YAP1: variants seen among roughly 807,000 people sequenced by gnomAD.
The protein encoded by YAP1 is Yes1 associated transcriptional regulator.
In YAP1, 5 loss-of-function variants were observed where a neutral mutation model predicts 56.9. The ratio of observed to expected loss-of-function variants is 0.09; its 90% CI spans 0.05 to 0.18. YAP1 has a LOEUF of 0.18. Among genes scored for constraint, YAP1 ranks in the 10% least tolerant of loss-of-function variants. The probability of loss-of-function intolerance (pLI) is 1.00; values close to 1 mark genes in which losing one functional copy is unlikely to be tolerated. For missense variants in YAP1, 539 were observed against 651.8 expected (o/e 0.83, Z 1.88); for synonymous variants, 265 against 248.1 (o/e 1.07, Z -0.64).
intron 1 of YAP1, chr11:102,112,656 A>G: frequency 3.0e-6 from 3 of 984,992 alleles, no homozygotes; most frequent in Non-Finnish European, 3.6e-6. Context: ...AGAAAAAATC[A>G]CTTAACCTGA....
At chr11:102,224,156 A>T (rs950799206) in intron 7 of YAP1, among the ~76,000 whole-genome samples, 1 of 152,228 alleles carries the variant, frequency 6.6e-6, no homozygotes, top group African/African-American at 2.4e-5. Flanking sequence ...TTCAAGCTAA[A>T]ACGTTTCACC....
At chr11:102,125,003 G>A (rs1487322509) in intron 2 of YAP1, among the ~76,000 whole-genome samples, 1 of 151,796 alleles carries the variant, frequency 6.6e-6, no homozygotes, top group African/African-American at 2.4e-5. Flanking sequence ...CTTCAGAAGT[G>A]CTGGGATTAC....
intron 2 of YAP1, among the ~76,000 whole-genome samples, chr11:102,123,848 C>T (rs1440658761): frequency 5.9e-5 from 9 of 151,902 alleles, no homozygotes; most frequent in East Asian, 3.9e-4. Flanking sequence ...ACCGTGGTCT[C>T]GATCTCCTGA....
intron 2 of YAP1, among the ~76,000 whole-genome samples, chr11:102,134,790 C>T (rs1944576656): frequency 6.6e-6 from 1 of 152,106 alleles, no homozygotes; most frequent in Non-Finnish European, 1.5e-5. Flanking sequence ...CTCACTGCAG[C>T]CTTGACCTCC....
chr11:102,164,719 G>T (rs932191906), intron 3 of YAP1, among the ~76,000 whole-genome samples: 1 of 149,870 alleles, frequency 6.7e-6, no homozygotes, highest in East Asian at 1.9e-4. Context: ...GTTTTAGTGG[G>T]TTTTTTTGTT....
intron 5 of YAP1, among the ~76,000 whole-genome samples, chr11:102,206,553 A>T (rs193041157): frequency 6.6e-6 from 1 of 152,324 alleles, no homozygotes; most frequent in East Asian, 1.9e-4. Context: ...AACAAAATAA[A>T]TGTTACCTTT....
In YAP1 at chr11:102,158,450, A is replaced by G. The variant is rs142893927; in HGVS notation, c.573-4006A>G. 5.9e-3 allele frequency among the ~76,000 whole-genome samples: 892 copies of G among 152,302 alleles called. 8 individuals are homozygous for G. Among genetic ancestry groups the G allele is most frequent in the African/African-American group, 0.02 (831 of 41,552 alleles). On this transcript the variant is annotated intron_variant, in intron 2 of 8. Coordinates refer to ENST00000282441, the MANE Select transcript of YAP1 (RefSeq NM_001130145.3). ...CTAAGGCAGTGCTTCTCAAACTTCA[A>G]CGAACATACAGAGGATCTCATTAAA... is the stretch of plus-strand genomic sequence containing the variant.
chr11:102,122,845 C>T (rs1005895584), intron 2 of YAP1, among the ~76,000 whole-genome samples: 5 of 137,012 alleles, frequency 3.6e-5, no homozygotes, highest in African/African-American at 1.1e-4. Flanking sequence ...AGCAGTGAAT[C>T]GAGATCGAGC....
intron 7 of YAP1, among the ~76,000 whole-genome samples, chr11:102,225,832 G>C (rs946083026): frequency 1.3e-5 from 2 of 152,156 alleles, no homozygotes; most frequent in Admixed American, 1.3e-4. Flanking sequence ...TTGTTTGTAG[G>C]TGGTGGTGAT....
chr11:102,181,440 C>G (rs190519522), intron 3 of YAP1, among the ~76,000 whole-genome samples: 3 of 151,912 alleles, frequency 2.0e-5, no homozygotes, highest in African/African-American at 7.2e-5. Context: ...AGCGAGACTC[C>G]GTCTCAAAAA....
At chr11:102,180,243 C>T (rs1947510524) in intron 3 of YAP1, among the ~76,000 whole-genome samples, 1 of 151,990 alleles carries the variant, frequency 6.6e-6, no homozygotes, top group East Asian at 1.9e-4. Flanking sequence ...TCTCGAACTC[C>T]TGACCTCATG....
intron 2 of YAP1, among the ~76,000 whole-genome samples, chr11:102,159,151 C>T (rs1946123095): frequency 6.6e-6 from 1 of 152,160 alleles, no homozygotes; most frequent in African/African-American, 2.4e-5. Flanking sequence ...TTGCTGAGTT[C>T]CTTTTCTAGT....
chr11:102,200,980 G>A (rs1007031443), intron 4 of YAP1, among the ~76,000 whole-genome samples: 4 of 152,156 alleles, frequency 2.6e-5, no homozygotes, highest in African/African-American at 9.7e-5. Context: ...ATACATCAAA[G>A]TACAACTCCT....
At chr11:102,196,568 A>G (rs1009039399) in intron 4 of YAP1, among the ~76,000 whole-genome samples, 3 of 151,820 alleles carry the variant, frequency 2.0e-5, no homozygotes, top group African/African-American at 7.3e-5. Context: ...GAGGAAGGGC[A>G]GTAGGTAGTG....
At chr11:102,212,650 T>C (rs545564317) in intron 6 of YAP1, among the ~76,000 whole-genome samples, 2 of 152,296 alleles carry the variant, frequency 1.3e-5, no homozygotes, top group East Asian at 3.9e-4. Flanking sequence ...AATGGCATGA[T>C]CTCTGCTCAC....
At chr11:102,140,346 TCTA>T (rs1434862168) in intron 2 of YAP1, among the ~76,000 whole-genome samples, 1 of 152,188 alleles carries the variant, frequency 6.6e-6, no homozygotes, top group Non-Finnish European at 1.5e-5. Context: ...AGGATTGAAA[TCTA>T]CTCTAAATTG....
intron 3 of YAP1, among the ~76,000 whole-genome samples, chr11:102,181,300 G>A (rs996905990): frequency 6.6e-6 from 1 of 151,986 alleles, no homozygotes; most frequent in Admixed American, 6.5e-5. Flanking sequence ...AAAAAAATTA[G>A]CCGAGCGTGG....
intron 5 of YAP1, among the ~76,000 whole-genome samples, chr11:102,208,435 G>A (rs1008986432): frequency 1.3e-5 from 2 of 152,068 alleles, no homozygotes; most frequent in African/African-American, 4.8e-5. Flanking sequence ...GAGGGTAGAG[G>A]GGAAGTTTTC....
At chr11:102,177,985 T>G (rs1947363251) in intron 3 of YAP1, among the ~76,000 whole-genome samples, 1 of 152,186 alleles carries the variant, frequency 6.6e-6, no homozygotes. Context: ...CTGTCAAGGT[T>G]TGAATCTCAC....
Sources: allele counts gnomAD v4.1 joint callset (sites outside exome capture counted in the v4.1 genomes callset), GRCh38; gene constraint gnomAD v4.1.1; transcripts MANE v1.5; gene names NCBI Gene and HGNC (gene_info 2026-07-23, HGNC 2026-07-21).